The following NFATC3 variants were observed in gnomAD, a reference collection of about 807,000 sequenced individuals.
NFATC3 encodes the protein nuclear factor of activated T cells 3.
In NFATC3, 46 loss-of-function variants were observed where a neutral mutation model predicts 98.6. That is an observed-to-expected ratio of 0.47 (90% confidence interval 0.37 to 0.60). The LOEUF (loss-of-function observed/expected upper bound fraction) is 0.60, where lower values mean the gene tolerates loss of function less well. Among genes scored for constraint, NFATC3 ranks in the 20% least tolerant of loss-of-function variants. The pLI, the probability that NFATC3 is intolerant of heterozygous loss-of-function variation, is 0.00. For synonymous variants in NFATC3, 512 were observed against 472.2 expected (o/e 1.08, Z -1.09); for missense variants, 1,256 against 1,295.5 (o/e 0.97, Z 0.47).
At chr16:68,214,409 G>C in intron 9 of NFATC3, 1 of 1,614,084 alleles carries the variant, frequency 6.2e-7, no homozygotes, top group South Asian at 1.1e-5. Context: ...CTCATGTCCA[G>C]CTCCTTTCTG....
intron 1 of NFATC3, among the ~76,000 whole-genome samples, chr16:68,100,910 GTGT>G (rs2035313591): frequency 2.4e-5 from 3 of 125,550 alleles, no homozygotes; most frequent in Non-Finnish European, 5.6e-5. Flanking sequence ...TGTGTGGGGT[GTGT>G]GTGTGTGTGT....
chr16:68,126,146 A>C (rs2036826572), intron 2 of NFATC3, among the ~76,000 whole-genome samples: 1 of 152,144 alleles, frequency 6.6e-6, no homozygotes, highest in East Asian at 1.9e-4. Flanking sequence ...GGCCTCCCAA[A>C]GTGCTAGGAT....
intron 1 of NFATC3, among the ~76,000 whole-genome samples, chr16:68,108,275 A>G (rs1432109375): frequency 6.6e-6 from 1 of 152,166 alleles, no homozygotes; most frequent in Non-Finnish European, 1.5e-5. Context: ...GAAGGGATCC[A>G]GTTTCAGTTT....
chr16:68,167,807 GTTCT>G (rs1672742943), intron 5 of NFATC3, among the ~76,000 whole-genome samples: 1 of 23,588 alleles, frequency 4.2e-5, no homozygotes, highest in Non-Finnish European at 1.0e-4. Flanking sequence ...AACCGTATGT[GTTCT>G]TTTTTTTTTT....
intron 1 of NFATC3, among the ~76,000 whole-genome samples, chr16:68,112,625 TC>T (rs1241702823): frequency 2.9e-5 from 4 of 140,098 alleles, no homozygotes; most frequent in African/African-American, 1.2e-4. Context: ...TTTGTTCATT[TC>T]TTTTCATTTT....
At chr16:68,113,234 GA>G (rs2036078964) in intron 1 of NFATC3, among the ~76,000 whole-genome samples, 1 of 152,158 alleles carries the variant, frequency 6.6e-6, no homozygotes, top group Non-Finnish European at 1.5e-5. Context: ...ATCTGCCTTT[GA>G]TCTTTGAGGC....
intron 9 of NFATC3, among the ~76,000 whole-genome samples, chr16:68,216,606 A>G (rs2041649633): frequency 6.6e-6 from 1 of 151,530 alleles, no homozygotes; most frequent in African/African-American, 2.4e-5. Flanking sequence ...ATACTGGCTC[A>G]CTGCAACCTC....
chr16:68,195,733 A>G (rs577299895), intron 9 of NFATC3, among the ~76,000 whole-genome samples: 64 of 152,186 alleles, frequency 4.2e-4, no homozygotes, highest in African/African-American at 1.5e-3. Context: ...GCGTGAACCC[A>G]AGAGGCGGAG....
At chr16:68,106,742 GTT>G (rs112208511) in intron 1 of NFATC3, among the ~76,000 whole-genome samples, 1 of 147,736 alleles carries the variant, frequency 6.8e-6, no homozygotes, top group African/African-American at 2.5e-5. Flanking sequence ...TTTTTTTGTT[GTT>G]TTTTTTTTAA....
chr16:68,167,126 G>T, intron 5 of NFATC3, 111 bp downstream of exon 5: 1 of 1,131,076 alleles, frequency 8.8e-7, no homozygotes, highest in Non-Finnish European at 1.3e-6. Flanking sequence ...ATACAATCTG[G>T]GTTGCTGGTT....
At chr16:68,166,316 G>A (rs550166022) in intron 4 of NFATC3, among the ~76,000 whole-genome samples, 1 of 152,264 alleles carries the variant, frequency 6.6e-6, no homozygotes, top group East Asian at 1.9e-4. Context: ...GGATTAAGTG[G>A]GAGCTCAGCT....
chr16:68,104,653 G>A (rs2035546029), intron 1 of NFATC3, among the ~76,000 whole-genome samples: 1 of 126,698 alleles, frequency 7.9e-6, no homozygotes, highest in Non-Finnish European at 1.6e-5. Context: ...TTCACAAATG[G>A]TTTTTTTTTT....
chr16:68,124,986 C>T (rs575619960), intron 2 of NFATC3, among the ~76,000 whole-genome samples: 1 of 152,194 alleles, frequency 6.6e-6, no homozygotes, highest in Non-Finnish European at 1.5e-5. Flanking sequence ...CCGCCTCGGC[C>T]TCCCAAAGTG....
intron 9 of NFATC3, chr16:68,221,417 TC>T: frequency 7.0e-7 from 1 of 1,436,490 alleles, no homozygotes. Context: ...CAGTTCTGAC[TC>T]CCTAGCCTAA....
At position 68,126,591 on chromosome 16, in the gene NFATC3, G is replaced by T. The variant is rs1210991427; in HGVS notation, c.1382G>T (p.Gly461Val). The T allele has an allele frequency of 1.2e-6, 2 of 1,614,108 alleles. No homozygotes were observed. The highest frequency in any genetic ancestry group is 1.7e-6 in the Non-Finnish European group (2 of 1,179,996). ...GSRGAVKAST[G>V]GHPVVKLLGY... is the part of the protein sequence containing the mutation. ...CGAGGGGCAGTAAAAGCATCTACTGGGGGACATCCTGTTGTGAAGGTATGA... is the reference window on the plus strand; with the variant it reads ...CGAGGGGCAGTAAAAGCATCTACTGTGGGACATCCTGTTGTGAAGGTATGA... Residue 461 changes from glycine (G) to valine (V), a missense_variant, in exon 3 of 10, where the codon GGG becomes GTG. Gly to Val is a moderately radical substitution (Grantham distance 109). This residue lies in a region of NFATC3 where 156 missense variants were observed against 212.4 expected (regional missense o/e 0.73). Transcript: ENST00000346183.
At chr16:68,154,743 T>C (rs1254036797) in intron 3 of NFATC3, among the ~76,000 whole-genome samples, 3 of 152,142 alleles carry the variant, frequency 2.0e-5, no homozygotes, top group Non-Finnish European at 1.5e-5. Flanking sequence ...GCTTGAGTGG[T>C]TCATGCAATA....
At chr16:68,215,322 A>T (rs756207746) in intron 9 of NFATC3, among the ~76,000 whole-genome samples, 4 of 152,254 alleles carry the variant, frequency 2.6e-5, no homozygotes, top group African/African-American at 2.4e-5. Context: ...CATTGAATGT[A>T]TATAAAACTC....
rs150563131 is a variant in NFATC3 at position 68,122,654 on chromosome 16, C to T, written c.771C>T (p.Pro257=). 2.2e-5 allele frequency: 35 copies of T among 1,614,046 alleles called. No individual in the cohort carries two copies. The highest frequency in any genetic ancestry group is 2.8e-5 in the Non-Finnish European group (33 of 1,180,042). Residue 257 remains proline (P), a synonymous_variant, in exon 2 of 10, where the codon CCC becomes CCT. Coordinates refer to ENST00000346183, the MANE Select transcript of NFATC3 (RefSeq NM_173165.3). ...TCACTGATGAGAATTGGCTGAGCCC[C>T]AGGCCAGCCTCAGGACCCTCATCAA... The part of the protein sequence containing the change: ...SSVTDENWLS[P]RPASGPSSRP...
intron 1 of NFATC3, among the ~76,000 whole-genome samples, chr16:68,104,823 T>G (rs571607989): frequency 1.8e-4 from 27 of 151,478 alleles, no homozygotes; most frequent in Non-Finnish European, 3.7e-4. Flanking sequence ...CTCAGCTAAT[T>G]TTTTGTATTT....
Sources: allele counts gnomAD v4.1 joint callset (sites outside exome capture counted in the v4.1 genomes callset), GRCh38; gene constraint gnomAD v4.1.1; regional missense constraint gnomAD v4.1.1; transcripts MANE v1.5; gene names NCBI Gene and HGNC (gene_info 2026-07-23, HGNC 2026-07-21).